Variants in FHIT observed in about 807,000 individuals in gnomAD.
FHIT encodes the protein fragile histidine triad diadenosine triphosphatase, also known as bis(5'-adenosyl)-triphosphatase.
Under a neutral mutation model 17.9 loss-of-function variants are expected in FHIT, and 19 were observed. The observed-to-expected ratio is 1.06, with a 90% CI of 0.74 to 1.56. The LOEUF is 1.56. Ranked by LOEUF, FHIT falls within the 40% of genes most tolerant of loss-of-function variation. The pLI is 0.00. For synonymous variants in FHIT, 81 were observed against 69.7 expected, an observed-to-expected ratio of 1.16 and a Z score of -0.81; for missense variants, 248 against 189.2, an observed-to-expected ratio of 1.31 and a Z score of -1.82.
intron 8 of FHIT, among the ~76,000 whole-genome samples, chr3:59,908,590 A>C (rs1027543727): frequency 6.6e-6 from 1 of 152,114 alleles, no homozygotes. Context: ...TTACTTGGAC[A>C]CCAGAGGCCA....
At chr3:60,171,531 T>A (rs368641435) in intron 5 of FHIT, among the ~76,000 whole-genome samples, 21 of 152,326 alleles carry the variant, frequency 1.4e-4, no homozygotes, top group East Asian at 3.9e-4. Flanking sequence ...ATGGTTTCCA[T>A]CTCATTTTCC....
chr3:59,948,239 T>C (rs1706924286), intron 7 of FHIT, among the ~76,000 whole-genome samples: 1 of 151,436 alleles, frequency 6.6e-6, no homozygotes, highest in Non-Finnish European at 1.5e-5. Flanking sequence ...GCGCAGTAGA[T>C]CACACATGTA....
chr3:60,714,571 G>A (rs1167375811), intron 4 of FHIT, among the ~76,000 whole-genome samples: 3 of 152,150 alleles, frequency 2.0e-5, no homozygotes, highest in Admixed American at 2.0e-4. Flanking sequence ...AAGCTGATAA[G>A]CAACTTCAGC....
intron 8 of FHIT, among the ~76,000 whole-genome samples, chr3:59,814,732 G>T (rs1700533981): frequency 2.0e-5 from 3 of 152,156 alleles, no homozygotes; most frequent in African/African-American, 7.2e-5. Context: ...AGCTTGAAAA[G>T]ACAGTCCCTC....
intron 7 of FHIT, among the ~76,000 whole-genome samples, chr3:59,976,253 TTC>T (rs1409097684): frequency 1.3e-5 from 2 of 152,020 alleles, no homozygotes; most frequent in Non-Finnish European, 2.9e-5. Context: ...AAAATCGAAG[TTC>T]TTTCTCTTCC....
intron 8 of FHIT, among the ~76,000 whole-genome samples, chr3:59,857,008 C>A (rs1559668156): frequency 6.6e-6 from 1 of 152,092 alleles, no homozygotes; most frequent in Non-Finnish European, 1.5e-5. Context: ...TGCAAAAAGT[C>A]ACGCTAATGT....
intron 2 of FHIT, among the ~76,000 whole-genome samples, chr3:61,061,779 T>C (rs955073069): frequency 1.1e-4 from 17 of 152,180 alleles, no homozygotes; most frequent in African/African-American, 3.9e-4. Flanking sequence ...AAGGTACACG[T>C]TATTGCAAAA....
chr3:60,523,134 C>T (rs2035437684), intron 5 of FHIT, among the ~76,000 whole-genome samples: 2 of 152,112 alleles, frequency 1.3e-5, no homozygotes, highest in Non-Finnish European at 2.9e-5. Context: ...CAATTATCTC[C>T]CACGGGCTCC....
intron 7 of FHIT, among the ~76,000 whole-genome samples, chr3:59,931,680 T>A (rs1705978160): frequency 6.6e-6 from 1 of 152,088 alleles, no homozygotes; most frequent in African/African-American, 2.4e-5. Context: ...AAAATTCAGT[T>A]TAAACAAAAA....
intron 4 of FHIT, among the ~76,000 whole-genome samples, chr3:60,688,297 T>C (rs1227442892): frequency 6.6e-6 from 1 of 152,148 alleles, no homozygotes; most frequent in Non-Finnish European, 1.5e-5. Context: ...GTCATTCAGG[T>C]AATATATGGC....
At chr3:59,761,119 C>T (rs775295380) in intron 8 of FHIT, among the ~76,000 whole-genome samples, 7 of 152,300 alleles carry the variant, frequency 4.6e-5, no homozygotes, top group African/African-American at 1.7e-4. Context: ...GGGATTGGAA[C>T]GATCTTGCCC....
chr3:60,254,813 A>G (rs753830515), intron 5 of FHIT, among the ~76,000 whole-genome samples: 1 of 152,186 alleles, frequency 6.6e-6, no homozygotes, highest in Admixed American at 6.5e-5. Context: ...CTAAATTACA[A>G]TTGTAAATGT....
intron 5 of FHIT, among the ~76,000 whole-genome samples, chr3:60,111,030 C>A (rs1187780704): frequency 1.3e-5 from 2 of 152,002 alleles, no homozygotes; most frequent in Non-Finnish European, 2.9e-5. Context: ...ACTCATACAT[C>A]CATATTGTCA....
intron 7 of FHIT, among the ~76,000 whole-genome samples, chr3:59,968,105 G>A (rs1418388781): frequency 6.6e-6 from 1 of 152,020 alleles, no homozygotes; most frequent in Non-Finnish European, 1.5e-5. Context: ...GAGGAACACT[G>A]ATGTAAAGAA....
chr3:60,753,393 CA>C (rs1461186635), intron 4 of FHIT, among the ~76,000 whole-genome samples: 4 of 152,092 alleles, frequency 2.6e-5, no homozygotes, highest in African/African-American at 9.7e-5. Flanking sequence ...AGAACAATCA[CA>C]AAAAGGGAGA....
chr3:60,850,682 C>A (rs1703120764), intron 3 of FHIT, among the ~76,000 whole-genome samples: 1 of 152,104 alleles, frequency 6.6e-6, no homozygotes, highest in South Asian at 2.1e-4. Flanking sequence ...GTCCTATGGC[C>A]AACCAGGTCC....
At chr3:61,119,489 C>T (rs974169265) in intron 2 of FHIT, among the ~76,000 whole-genome samples, 16 of 152,178 alleles carry the variant, frequency 1.1e-4, no homozygotes, top group African/African-American at 3.9e-4. Flanking sequence ...GCTGGGATTA[C>T]AGGCACAAGC....
intron 7 of FHIT, among the ~76,000 whole-genome samples, chr3:59,982,801 C>T (rs1708711814): frequency 6.6e-6 from 1 of 152,166 alleles, no homozygotes; most frequent in Admixed American, 6.6e-5. Flanking sequence ...GCCCCAGTCC[C>T]TACTGTCTTG....
At chr3:61,178,825 T>A (rs1422435861) in intron 2 of FHIT, among the ~76,000 whole-genome samples, 1 of 152,002 alleles carries the variant, frequency 6.6e-6, no homozygotes, top group East Asian at 1.9e-4. Flanking sequence ...AAACAAATGG[T>A]GTGGCTGACA....
Sources: gnomAD v4.1 joint callset for allele counts (sites outside exome capture counted in the v4.1 genomes callset) on GRCh38, gnomAD v4.1.1 for gene constraint, MANE v1.5 for transcripts, NCBI Gene and HGNC (gene_info 2026-07-23, HGNC 2026-07-21) for gene names.